Variants in RADX observed in about 807,000 individuals in gnomAD.
The protein encoded by RADX is RPA1 related single stranded DNA binding protein, X-linked.
Under a neutral mutation model 61.6 loss-of-function variants are expected in RADX, and 36 were observed. The observed-to-expected ratio is 0.58, with a 90% CI of 0.45 to 0.77. The LOEUF (loss-of-function observed/expected upper bound fraction) is 0.77. Ranked by LOEUF, RADX falls within the 30% of genes least tolerant of loss-of-function variation. The probability of loss-of-function intolerance (pLI) is 0.00; values close to 1 mark genes in which losing one functional copy is unlikely to be tolerated. For missense variants in RADX, 497 were observed against 651.1 expected (o/e 0.76, Z 2.58); for synonymous variants, 272 against 237.9 (o/e 1.14, Z -1.32).
At chrX:106,620,970 G>T (rs1569422693) in intron 1 of RADX, among the ~76,000 whole-genome samples, 1 of 111,868 alleles carries the variant, frequency 8.9e-6, no homozygotes, top group Non-Finnish European at 1.9e-5. Flanking sequence ...AAAGATGTCT[G>T]ATTACAGCTA....
Position 106,662,115 on chromosome X carries a change from A to G in RADX, c.2079A>G (p.Ile693Met), listed in dbSNP as rs778643864. 1 of 1,210,635 alleles carries G rather than the reference A, an allele frequency of 8.3e-7. No homozygotes were observed. Among genetic ancestry groups the G allele is most frequent in the South Asian group, 1.8e-5 (1 of 56,973 alleles). Residue 693 changes from isoleucine (I) to methionine (M), a missense_variant, in exon 12 of 14, where the codon ATA becomes ATG. Physicochemically the swap from Ile to Met is conservative, Grantham distance 10 (BLOSUM62 1). Around this residue, in one of 3 missense-constraint regions of RADX, gnomAD observed 267 missense variants for 306.9 expected, o/e 0.87. Transcript: ENST00000372548. ...QLWREKKFGL[I>M]DHLHYSRVYP... ...GGAGAGAGAAAAAGTTTGGCTTAAT[A>G]GATCACCTACACTACAGCCGTGTTT... is the stretch of plus-strand genomic sequence containing the variant.
chrX:106,659,140 CTATTAT>C (rs755279172), intron 11 of RADX, among the ~76,000 whole-genome samples: 6 of 110,414 alleles, frequency 5.4e-5, no homozygotes, highest in Non-Finnish European at 1.1e-4. Context: ...ATTACTATTA[CTATTAT>C]TATTATTATT....
chrX:106,645,162 T>A (rs1927625982), intron 10 of RADX, among the ~76,000 whole-genome samples: 2 of 111,139 alleles, frequency 1.8e-5, no homozygotes, highest in South Asian at 7.4e-4. Context: ...CTCTCTTTTT[T>A]TCATGGTCTG....
At chrX:106,613,923 G>A (rs1014252528) in intron 1 of RADX, among the ~76,000 whole-genome samples, 1 of 111,283 alleles carries the variant, frequency 9.0e-6, no homozygotes, top group African/African-American at 3.3e-5. Flanking sequence ...AAGTTGAGGG[G>A]ATTAATACTT....
Position 106,640,713 on chromosome X carries a change from C to A in RADX, c.1896C>A (p.His632Gln). Residue 632 changes from histidine (H) to glutamine (Q), a missense_variant, in exon 10 of 14, where the codon CAC (histidine) becomes CAA (glutamine). Physicochemically the swap from His to Gln is conservative, Grantham distance 24 (BLOSUM62 0). Around this residue, in one of 3 missense-constraint regions of RADX, gnomAD observed 267 missense variants for 306.9 expected, o/e 0.87. Transcript: ENST00000372548. ...AAATAAGAATTCTTCAAGGCCCACA[C>A]GCTAATCCGTAAGTCATTTGTATTA... ...SNKIRILQGP[H>Q]ANPVAVPQPG... 1 of 1,172,354 alleles carries A rather than the reference C, an allele frequency of 8.5e-7. No homozygotes were observed. The highest frequency in any genetic ancestry group is 1.1e-6 in the Non-Finnish European group (1 of 870,739).
intron 1 of RADX, among the ~76,000 whole-genome samples, chrX:106,621,992 G>T (rs1266388141): frequency 9.9e-6 from 1 of 100,894 alleles, no homozygotes; most frequent in African/African-American, 3.7e-5. Context: ...GTGTGATCAT[G>T]GTTCACTGCA....
intron 12 of RADX, among the ~76,000 whole-genome samples, chrX:106,665,168 C>T (rs1300294345): frequency 9.0e-6 from 1 of 111,652 alleles, no homozygotes; most frequent in Non-Finnish European, 1.9e-5. Flanking sequence ...AGGAATAAAT[C>T]TCTTATTACT....
chrX:106,647,936 G>A (rs1367500788), intron 10 of RADX, among the ~76,000 whole-genome samples: 2 of 110,360 alleles, frequency 1.8e-5, no homozygotes, highest in African/African-American at 3.3e-5. Flanking sequence ...CTTGTCAGAT[G>A]AGTAGTTTGC....
intron 6 of RADX, among the ~76,000 whole-genome samples, chrX:106,635,978 C>A (rs1179589715): frequency 3.6e-5 from 4 of 111,512 alleles, no homozygotes; most frequent in African/African-American, 9.8e-5. Flanking sequence ...CTGCCATTGG[C>A]CTTAAAATCT....
intron 7 of RADX, among the ~76,000 whole-genome samples, chrX:106,637,540 T>C (rs1927388503): frequency 8.9e-6 from 1 of 112,006 alleles, no homozygotes; most frequent in African/African-American, 3.2e-5. Context: ...TTAGTCCACT[T>C]AAACTCTAAT....
At chrX:106,673,897 G>C (rs1287877871) in intron 13 of RADX, among the ~76,000 whole-genome samples, 3 of 111,149 alleles carry the variant, frequency 2.7e-5, no homozygotes, top group African/African-American at 9.8e-5. Context: ...TCCATGAGCA[G>C]GCATCAGCTG....
At chrX:106,653,752 G>A (rs1927860515) in intron 11 of RADX, among the ~76,000 whole-genome samples, 1 of 110,320 alleles carries the variant, frequency 9.1e-6, no homozygotes, top group African/African-American at 3.3e-5. Flanking sequence ...TGTTCTCATT[G>A]TTCAACTCCC....
At chrX:106,644,848 G>A (rs185511884) in intron 10 of RADX, among the ~76,000 whole-genome samples, 413 of 110,763 alleles carry the variant, frequency 3.7e-3, no homozygotes, top group Admixed American at 6.0e-3. Flanking sequence ...ATTGATCTTA[G>A]CTCTTCTTGA....
chrX:106,625,712 A>G (rs1234200703), intron 3 of RADX, among the ~76,000 whole-genome samples: 2 of 111,291 alleles, frequency 1.8e-5, no homozygotes, highest in African/African-American at 6.5e-5. Flanking sequence ...CTTTACGCAT[A>G]TTCAACAATT....
intron 13 of RADX, among the ~76,000 whole-genome samples, chrX:106,670,644 T>TA (rs1569429950): frequency 1.9e-5 from 2 of 108,026 alleles, no homozygotes; most frequent in Non-Finnish European, 3.8e-5. Flanking sequence ...ATATGTATAA[T>TA]ATAATAATAA....
At position 106,632,851 on chromosome X, in the gene RADX, A is replaced by G. The variant is rs189339038; in HGVS notation, c.1089-81A>G. On this transcript the variant is annotated intron_variant, in intron 4 of 13. Transcript: ENST00000372548. ...GAATTAAGCTATAGCAATTATGTAG[A>G]TATACATTTTCAAAATAATTGTAGA... 7 of 962,195 alleles carry G rather than the reference A, an allele frequency of 7.3e-6. No homozygotes were observed. The African/African-American group carries it at 1.5e-4, about 21-fold the overall frequency. 79.3% of individuals were successfully genotyped at this position (962,195 alleles called of 1,213,427 possible).
At chrX:106,638,987 T>C (rs756944782) in intron 8 of RADX, among the ~76,000 whole-genome samples, 11 of 111,863 alleles carry the variant, frequency 9.8e-5, no homozygotes, top group Admixed American at 1.9e-4. Flanking sequence ...GAATTTGGAA[T>C]TGAAGTACTG....
intron 7 of RADX, 134 bp from the exon 8 acceptor site, chrX:106,637,624 CTT>C (rs1292829296): frequency 4.2e-6 from 2 of 480,657 alleles, no homozygotes; most frequent in Non-Finnish European, 6.8e-6. Context: ...AATAAGTAAA[CTT>C]GACTGTTTTT....
chrX:106,655,342 G>C (rs1927911351), intron 11 of RADX, among the ~76,000 whole-genome samples: 1 of 105,143 alleles, frequency 9.5e-6, no homozygotes, highest in Non-Finnish European at 2.0e-5. Flanking sequence ...TTTTTTTCAG[G>C]TTTTCTTTTT....
Sources: gnomAD v4.1 joint callset for allele counts (sites outside exome capture counted in the v4.1 genomes callset) on GRCh38, gnomAD v4.1.1 for gene constraint, gnomAD v4.1.1 regional missense constraint, MANE v1.5 for transcripts, NCBI Gene and HGNC (gene_info 2026-07-23, HGNC 2026-07-21) for gene names.